Variants in PCDHGB6 observed in about 807,000 individuals in gnomAD.
The protein encoded by PCDHGB6 is protocadherin gamma-B6.
Under a neutral mutation model 59.1 loss-of-function variants are expected in PCDHGB6, and 51 were observed. The ratio of observed to expected loss-of-function variants is 0.86; its 90% CI spans 0.69 to 1.09. The LOEUF (loss-of-function observed/expected upper bound fraction) is 1.09. Among genes scored for constraint, PCDHGB6 ranks in the 50% least tolerant of loss-of-function variants. PCDHGB6 has a pLI of 0.00. For missense variants in PCDHGB6, 1,148 were observed against 1,205.1 expected (o/e 0.95, Z 0.70); for synonymous variants, 466 against 495.1 (o/e 0.94, Z 0.78).
At chr5:141,426,882 C>A (rs528411309) in intron 1 of PCDHGB6, 1 of 456,664 alleles carries the variant, frequency 2.2e-6, no homozygotes, top group African/African-American at 2.0e-5. Context: ...GCCCCTGGGC[C>A]AGGAGCAACA....
At chr5:141,414,020 C>A in intron 1 of PCDHGB6, 1 of 1,612,618 alleles carries the variant, frequency 6.2e-7, no homozygotes. Flanking sequence ...GGAGAAGTGA[C>A]ATATTCATTC....
In PCDHGB6 at chr5:141,485,076, G is replaced by A; in HGVS notation, c.2419-9731G>A. 2.1e-6 allele frequency: 2 copies of A among 944,586 alleles called. No homozygotes were observed. Among genetic ancestry groups the A allele is most frequent in the East Asian group, 2.4e-5 (1 of 41,508 alleles). The allele number at this position is 944,586 out of a possible 1,614,324, so 58.5% of individuals were successfully genotyped here. ...CCGAACCGCGCCAGAGCTGGCGCGG[G>A]GAAAGGGAGATAGGTGTCTCCAGCT... On this transcript the variant is annotated intron_variant, in intron 1 of 3. Coordinates refer to ENST00000520790, the MANE Select transcript of PCDHGB6 (RefSeq NM_018926.3). This position sits in a 1 kb window ranked among gnomAD's most constrained non-coding sequence, Gnocchi z 5.7.
chr5:141,428,858 GACT>G (rs1348026268), intron 1 of PCDHGB6: 1 of 139,194 alleles, frequency 7.2e-6, no homozygotes, highest in African/African-American at 3.0e-5. Flanking sequence ...TTTTACGGGA[GACT>G]TTTTTTTTTT....
At chr5:141,419,554 T>C (rs775925543) in intron 1 of PCDHGB6, 1 of 1,612,006 alleles carries the variant, frequency 6.2e-7, no homozygotes, top group Non-Finnish European at 8.5e-7. Flanking sequence ...TGCTGTACCC[T>C]GCGCTGGGTC....
rs2099686717 is a variant in PCDHGB6, at chr5:141,489,403, A to C, written c.2419-5404A>C. The C allele has an allele frequency of 6.2e-7, 1 of 1,614,172 alleles. No homozygotes were observed. Among genetic ancestry groups the C allele is most frequent in the East Asian group, 2.2e-5 (1 of 44,884 alleles). On this transcript the variant is annotated intron_variant, in intron 1 of 3. Coordinates refer to ENST00000520790, the MANE Select transcript of PCDHGB6 (RefSeq NM_018926.3). The surrounding 1 kb of genome is among the most constrained non-coding windows in gnomAD (Gnocchi z 4.5). ...GAATGTTGCTCAGGATCTGGGCTTA[A>C]AGATGACAGATCTGTTGAGCCGGCG...
In PCDHGB6 at chr5:141,409,205, A is replaced by C. The variant is rs766592481; in HGVS notation, c.1003A>C (p.Ile335Leu). The C allele has an allele frequency of 1.2e-6, 2 of 1,614,068 alleles. No homozygotes were observed. The highest frequency in any genetic ancestry group is 1.7e-6 in the Non-Finnish European group (2 of 1,179,906). ...TCTCTCTACCCAGTGTAAAGTAATC[A>C]TAGAAATCCTTGATGAAAACGACAA... ...GGLSTQCKVI[I>L]EILDENDNSP... The change falls in exon 1 of 4, where the codon ATA becomes CTA. Residue 335 changes from isoleucine to leucine, a missense_variant. Physicochemically the swap from Ile to Leu is conservative, Grantham distance 5. This residue lies in a region of PCDHGB6 where 549 missense variants were observed against 527.5 expected (regional missense o/e 1.04). Transcript: ENST00000520790.
rs368512862 is a variant in PCDHGB6 at position 141,491,734 on chromosome 5, G to T, written c.2419-3073G>T. ...CTCGGCGCCGCCCCGGGCGACCCCT[G>T]GGGGCGGCACTGGAGAAGCCGCCCG... On this transcript the variant is annotated intron_variant, in intron 1 of 3. Transcript: ENST00000520790. The surrounding 1 kb of genome is among the most constrained non-coding windows in gnomAD (Gnocchi z 6.9). 2.5e-4 allele frequency: 403 copies of T among 1,602,056 alleles called. No individual in the cohort carries two copies. Among genetic ancestry groups the T allele is most frequent in the Non-Finnish European group, 3.2e-4 (380 of 1,174,948 alleles).
chr5:141,489,428 G>A lies in PCDHGB6; in HGVS notation c.2419-5379G>A, dbSNP rs561792279. The A allele has an allele frequency of 2.5e-5, 40 of 1,614,112 alleles. No homozygotes were observed. In the Middle Eastern group the frequency reaches 4.9e-4, roughly 20 times the overall value. ...AAGATGACAGATCTGTTGAGCCGGC[G>A]GCTGCAATTGGGCTCTGAGGAGAAT... On this transcript the variant is annotated intron_variant, in intron 1 of 3. Transcript: ENST00000520790. This position sits in a 1 kb window ranked among gnomAD's most constrained non-coding sequence, Gnocchi z 4.5.
intron 1 of PCDHGB6, among the ~76,000 whole-genome samples, chr5:141,455,580 T>C (rs572453788): frequency 6.6e-6 from 1 of 152,142 alleles, no homozygotes; most frequent in East Asian, 1.9e-4. Flanking sequence ...ACCCCAGCCT[T>C]TTAATATGCA....
chr5:141,462,657 T>G (rs949098251), intron 1 of PCDHGB6, among the ~76,000 whole-genome samples: 1 of 152,164 alleles, frequency 6.6e-6, no homozygotes, highest in East Asian at 1.9e-4. Flanking sequence ...TCCTCAATTA[T>G]CTTCATATTT....
rs774354457 is a variant in PCDHGB6 at position 141,409,462 on chromosome 5, CA to C, written c.1261del (p.Thr421ProfsTer3). 8.1e-6 allele frequency: 13 copies of C among 1,613,870 alleles called. No individual in the cohort carries two copies. The East Asian group carries it at 2.9e-4, about 36-fold the overall frequency. On this transcript the variant is annotated frameshift_variant, in exon 1 of 4. Coordinates refer to ENST00000520790, the MANE Select transcript of PCDHGB6 (RefSeq NM_018926.3). LOFTEE classifies it high-confidence loss of function. ...GAGAGCAGACACCAGAATACAATGT[CA>C]CCATCGTAGCCACTGACAGGGGCAA... is the stretch of plus-strand genomic sequence containing the variant. The part of the protein sequence containing the change: ...DREQTPEYNV[T>X]IVATDRGKPP...
chr5:141,452,844 C>T (rs1239022315), intron 1 of PCDHGB6, among the ~76,000 whole-genome samples: 1 of 152,204 alleles, frequency 6.6e-6, no homozygotes, highest in Non-Finnish European at 1.5e-5. Context: ...CCAGCCCACA[C>T]TCTGGGGAGA....
intron 2 of PCDHGB6, among the ~76,000 whole-genome samples, chr5:141,503,275 C>T (rs1466636672): frequency 1.3e-5 from 2 of 152,108 alleles, no homozygotes; most frequent in Non-Finnish European, 2.9e-5. Context: ...GCACCTGGCT[C>T]TGTGTCTGGT....
At chr5:141,427,635 C>T in intron 1 of PCDHGB6, 1 of 706,280 alleles carries the variant, frequency 1.4e-6, no homozygotes, top group African/African-American at 1.7e-5. Context: ...TCCGGTTTTC[C>T]ACCAAGTCTC....
At position 141,490,376 on chromosome 5, in the gene PCDHGB6, CA is replaced by C; in HGVS notation, c.2419-4430del. 1 of 1,614,184 alleles carries C rather than the reference CA, an allele frequency of 6.2e-7. No individual in the cohort carries two copies. Among genetic ancestry groups the C allele is most frequent in the African/African-American group, 1.3e-5 (1 of 75,030 alleles). On this transcript the variant is annotated intron_variant, in intron 1 of 3. Coordinates refer to ENST00000520790, the MANE Select transcript of PCDHGB6 (RefSeq NM_018926.3). This position sits in a 1 kb window ranked among gnomAD's most constrained non-coding sequence, Gnocchi z 5.4. ...TTGTTTAATGTGCGAGACCGGGACTCAGGTAGAAATGGTGAAGTGAGCCTTG... is the reference window on the plus strand; with the variant it reads ...TTGTTTAATGTGCGAGACCGGGACTCGGTAGAAATGGTGAAGTGAGCCTTG...
At chr5:141,475,903 G>A in intron 1 of PCDHGB6, 1 of 576,064 alleles carries the variant, frequency 1.7e-6, no homozygotes. Context: ...TGCCGCTGTC[G>A]GCCAATGAAG....
Position 141,409,059 on chromosome 5 carries a change from A to G in PCDHGB6, c.857A>G (p.Gln286Arg), listed in dbSNP as rs2095217608. 2 of 1,614,050 alleles carry G rather than the reference A, an allele frequency of 1.2e-6. No individual in the cohort carries two copies. Among genetic ancestry groups the G allele is most frequent in the Non-Finnish European group, 1.7e-6 (2 of 1,179,910 alleles). ...AACTACTACTTCCGAAGCACTGCCC[A>G]GAGCACAAAACATATGTTCTCATTG... ...EINYYFRSTA[Q>R]STKHMFSLDE... Residue 286 changes from glutamine to arginine, a missense_variant, in exon 1 of 4, where the codon CAG becomes CGG. By Grantham distance (43) the Gln-to-Arg change is conservative. Transcript: ENST00000520790.
chr5:141,492,575 C>T (rs1213639439), intron 1 of PCDHGB6, among the ~76,000 whole-genome samples: 1 of 152,218 alleles, frequency 6.6e-6, no homozygotes, highest in South Asian at 2.1e-4. Flanking sequence ...GAGCGAGGCG[C>T]GGGGCCAGGA....
rs755394129 is a variant in PCDHGB6 at position 141,409,128 on chromosome 5, T to C, written c.926T>C (p.Phe309Ser). ...GMIKNNQSFD[F>S]EDVERYTMEV... ...ATTAAGAATAACCAGTCATTTGATT[T>C]TGAAGATGTAGAAAGGTACACCATG... is the stretch of plus-strand genomic sequence containing the variant. Residue 309 changes from phenylalanine (F) to serine (S), a missense_variant, in exon 1 of 4, where the codon TTT becomes TCT. This residue lies in a region of PCDHGB6 where 549 missense variants were observed against 527.5 expected (regional missense o/e 1.04). Coordinates refer to ENST00000520790, the MANE Select transcript of PCDHGB6 (RefSeq NM_018926.3). The C allele has an allele frequency of 6.2e-6, 10 of 1,613,976 alleles. No homozygotes were observed. Among genetic ancestry groups the C allele is most frequent in the South Asian group, 1.1e-5 (1 of 91,082 alleles).
Sources: gnomAD v4.1 joint callset for allele counts (sites outside exome capture counted in the v4.1 genomes callset) on GRCh38, gnomAD v4.1.1 for gene constraint, gnomAD v4.1.1 regional missense constraint, Gnocchi (gnomAD v3.1) non-coding constraint, MANE v1.5 for transcripts, NCBI Gene and HGNC (gene_info 2026-07-23, HGNC 2026-07-21) for gene names.